The following RFX1 variants were observed in gnomAD, a reference collection of about 807,000 sequenced individuals.
RFX1 encodes the protein MHC class II regulatory factor RFX1.
In RFX1, 42 loss-of-function variants were observed where a neutral mutation model predicts 119.6. The observed-to-expected ratio is 0.35, with a 90% confidence interval of 0.27 to 0.45. RFX1 has a LOEUF of 0.45. Ranked by LOEUF, RFX1 falls within the 20% of genes least tolerant of loss-of-function variation. The probability of loss-of-function intolerance (pLI) is 1.00; values close to 1 mark genes in which losing one functional copy is unlikely to be tolerated. For missense variants in RFX1, 1,118 were observed against 1,368.1 expected (o/e 0.82, Z 2.88); for synonymous variants, 628 against 618.5 (o/e 1.02, Z -0.23).
rs372992983 is a variant in RFX1, at chr19:13,968,938, G to A, written c.1497-44C>T. On this transcript the variant is annotated intron_variant, in intron 10 of 20. Transcript: ENST00000254325. This position sits in a 1 kb window ranked among gnomAD's most constrained non-coding sequence, Gnocchi z 5.5. ...GGAAGGGCTGGGCTGGGGGTCTGCC[G>A]GCTGGCCGGCCATGGAGCACCTCAC... 2.3e-5 allele frequency: 36 copies of A among 1,535,930 alleles called. No homozygotes were observed. The East Asian group carries it at 3.7e-4, about 16-fold the overall frequency.
At chr19:13,996,718 CTT>C (rs767281958) in intron 1 of RFX1, among the ~76,000 whole-genome samples, 13 of 114,422 alleles carry the variant, frequency 1.1e-4, no homozygotes, top group Middle Eastern at 5.4e-3. Context: ...GGCTCATTTG[CTT>C]TTTTTTTTTT....
At chr19:13,978,261 G>C (rs961930002) in intron 7 of RFX1, among the ~76,000 whole-genome samples, 175 bp from the exon 8 acceptor site, 2 of 152,224 alleles carry the variant, frequency 1.3e-5, no homozygotes, top group Non-Finnish European at 1.5e-5. Flanking sequence ...GAATCAGGAA[G>C]AGCTGTGTCA....
intron 1 of RFX1, among the ~76,000 whole-genome samples, chr19:14,003,341 A>T (rs1416360271): frequency 7.6e-6 from 1 of 132,048 alleles, no homozygotes; most frequent in African/African-American, 3.6e-5. Flanking sequence ...ACAGCCATTC[A>T]GCAGCCAGGG....
chr19:13,962,683 G>GGGGGGGGGGGGC lies in RFX1; in HGVS notation c.*11_*12insGCCCCCCCCCCC. The GGGGGGGGGGGGC allele has an allele frequency of 1.1e-6, 1 of 878,508 alleles. No homozygotes were observed. The highest frequency in any genetic ancestry group is 1.4e-5 in the South Asian group (1 of 70,014). 54.4% of individuals were successfully genotyped at this position (878,508 alleles called of 1,614,324 possible). On this transcript the variant is annotated 3_prime_UTR_variant, in exon 21 of 21. Transcript: ENST00000254325. ...GGGTGGCGGGGGCGGGTGGGGCGGGGAGGCCAAGGGCTTAGCTGGAGGGCA... is the reference window on the plus strand; with the variant it reads ...GGGTGGCGGGGGCGGGTGGGGCGGGGGGGGGGGGGGGCAGGCCAAGGGCTTAGCTGGAGGGCA...
At chr19:13,988,432 T>C (rs988494430) in intron 2 of RFX1, among the ~76,000 whole-genome samples, 1 of 152,172 alleles carries the variant, frequency 6.6e-6, no homozygotes, top group African/African-American at 2.4e-5. Flanking sequence ...ACCCTGGCTC[T>C]AGGGAGCCTG....
chr19:13,983,106 C>G, intron 4 of RFX1, 81 bp downstream of exon 4: 1 of 1,100,338 alleles, frequency 9.1e-7, no homozygotes, highest in Non-Finnish European at 1.3e-6. Context: ...CTGGTGAGGA[C>G]AGATCCAGGC....
chr19:13,980,657 G>C lies in RFX1; in HGVS notation c.654C>G (p.Ser218Arg). Residue 218 changes from serine to arginine, a missense_variant, in exon 6 of 21, where the codon AGC becomes AGG. Coordinates refer to ENST00000254325, the MANE Select transcript of RFX1 (RefSeq NM_002918.5). The surrounding 1 kb of genome is among the most constrained non-coding windows in gnomAD (Gnocchi z 5.1). ...QSPVQANSSS[S>R]KTAGAPTGTV... ...TGCCCGTGGGGGCCCCGGCTGTCTTGCTGGAAGAGCTGTTGGCCTGCACCG... is the reference window on the plus strand; with the variant it reads ...TGCCCGTGGGGGCCCCGGCTGTCTTCCTGGAAGAGCTGTTGGCCTGCACCG... 1 of 1,592,722 alleles carries C rather than the reference G, an allele frequency of 6.3e-7. No individual in the cohort carries two copies. Among genetic ancestry groups the C allele is most frequent in the Non-Finnish European group, 8.5e-7 (1 of 1,175,298 alleles).
intron 2 of RFX1, 96 bp from the exon 3 acceptor site, chr19:13,983,691 AC>A: frequency 9.6e-7 from 1 of 1,040,270 alleles, no homozygotes. Flanking sequence ...CCTGAAGCCA[AC>A]CCCCAGCAAG....
At chr19:13,977,781 G>A (rs1303979762) in intron 8 of RFX1, among the ~76,000 whole-genome samples, 4 of 151,926 alleles carry the variant, frequency 2.6e-5, no homozygotes, top group Non-Finnish European at 5.9e-5. Flanking sequence ...CTATGCCGGG[G>A]TGCCTTTCCC....
chr19:14,002,871 G>A (rs79265348), intron 1 of RFX1, among the ~76,000 whole-genome samples: 2,151 of 152,306 alleles, frequency 0.014, 34 homozygotes, highest in Non-Finnish European at 0.021. Flanking sequence ...TGAGGACCTC[G>A]GCTCCAGAGA....
In RFX1 at chr19:13,972,874, C is replaced by G. The variant is rs776211108; in HGVS notation, c.1183G>C (p.Gly395Arg). ...GTGCTGCCACTGCCACCCCCGCCAC[C>G]GCCTCCCCCGCCGCCGCCGCCACCA... ...SGGGGGGGGG[G>R]GGGGSGSTGG... The change falls in exon 9 of 21, where the codon GGT becomes CGT. Residue 395 changes from glycine to arginine, a missense_variant. By Grantham distance (125) the Gly-to-Arg change is moderately radical (BLOSUM62 -2). This residue lies in a region of RFX1 where 542 missense variants were observed against 602.7 expected (regional missense o/e 0.90). Transcript: ENST00000254325. 3 of 1,556,088 alleles carry G rather than the reference C, an allele frequency of 1.9e-6. No individual in the cohort carries two copies. Among genetic ancestry groups the G allele is most frequent in the Non-Finnish European group, 2.6e-6 (3 of 1,156,114 alleles).
intron 1 of RFX1, among the ~76,000 whole-genome samples, chr19:13,997,671 G>A (rs527559964): frequency 6.6e-6 from 1 of 152,348 alleles, no homozygotes; most frequent in Non-Finnish European, 1.5e-5. Flanking sequence ...CGGCAGGCTT[G>A]GGAGGGACTC....
chr19:13,994,929 T>TAA (rs1376135032), intron 1 of RFX1, among the ~76,000 whole-genome samples: 34 of 116,514 alleles, frequency 2.9e-4, no homozygotes, highest in African/African-American at 1.1e-3. Flanking sequence ...TATATATATA[T>TAA]ATATATATAA....
In RFX1 at chr19:13,962,337, C is replaced by T; in HGVS notation, c.*358G>A. On this transcript the variant is annotated 3_prime_UTR_variant, in exon 21 of 21. Coordinates refer to ENST00000254325, the MANE Select transcript of RFX1 (RefSeq NM_002918.5). ...CGAGCTGAATAAGTTAACAGTTTCG[C>T]ACGGGAGGGGGCCTGCCTGCCTGCC... 6.6e-6 allele frequency: 2 copies of T among 304,516 alleles called. No individual in the cohort carries two copies. 18.9% of individuals were successfully genotyped at this position (304,516 alleles called of 1,614,324 possible). A position where few individuals can be genotyped will look rare whatever the true frequency, so the allele number is the denominator to read the frequency against.
chr19:13,969,612 T>A lies in RFX1; in HGVS notation c.1496+382A>T, dbSNP rs894745601. The A allele has an allele frequency of 1.1e-5, 2 of 181,178 alleles. No individual in the cohort carries two copies. The highest frequency in any genetic ancestry group is 4.7e-5 in the African/African-American group (2 of 42,274). The allele number at this position is 181,178 out of a possible 1,614,324, so 11.2% of individuals were successfully genotyped here. ...AGGCAGAGGTTGCAGTGAGCCGAGA[T>A]TGAGTCACTGCACTCCAGCCTGGGC... On this transcript the variant is annotated intron_variant, in intron 10 of 20. Coordinates refer to ENST00000254325, the MANE Select transcript of RFX1 (RefSeq NM_002918.5). The surrounding 1 kb of genome is among the most constrained non-coding windows in gnomAD (Gnocchi z 4.5).
intron 8 of RFX1, among the ~76,000 whole-genome samples, chr19:13,976,554 G>T (rs1974258127): frequency 6.6e-6 from 1 of 152,246 alleles, no homozygotes; most frequent in Non-Finnish European, 1.5e-5. Context: ...GCATCACTGG[G>T]TGGGGACTGA....
At chr19:13,991,958 G>A (rs1418555148) in intron 2 of RFX1, among the ~76,000 whole-genome samples, 2 of 151,790 alleles carry the variant, frequency 1.3e-5, no homozygotes, top group South Asian at 2.1e-4. Context: ...CACCACACCC[G>A]GCCAATTGCT....
rs926549458 is a variant in RFX1 at position 13,962,587 on chromosome 19, C to T, written c.*108G>A. On this transcript the variant is annotated 3_prime_UTR_variant, in exon 21 of 21. Transcript: ENST00000254325. ...CGGTCTTCCCTGTCTCGGAGTCCCC[C>T]TCCCTGCCCTGGCTGAGGCTGGAGC... 2 of 951,024 alleles carry T rather than the reference C, an allele frequency of 2.1e-6. No individual in the cohort carries two copies. Among genetic ancestry groups the T allele is most frequent in the Non-Finnish European group, 3.0e-6 (2 of 669,160 alleles). The allele number at this position is 951,024 out of a possible 1,614,324, so 58.9% of individuals were successfully genotyped here.
rs571560628 is a variant in RFX1 at position 13,963,168 on chromosome 19, C to T, written c.2678G>A (p.Arg893His). 6.2e-7 allele frequency: 1 copy of T among 1,612,562 alleles called. No individual in the cohort carries two copies. Among genetic ancestry groups the T allele is most frequent in the Admixed American group, 1.7e-5 (1 of 59,988 alleles). The change falls in exon 19 of 21, where the codon CGC becomes CAC. Residue 893 changes from arginine to histidine, a missense_variant. Physicochemically the swap from Arg to His is conservative, Grantham distance 29. Coordinates refer to ENST00000254325, the MANE Select transcript of RFX1 (RefSeq NM_002918.5). ...DEYMYYLIEH[R>H]VAQAKGETPI... ...GGTCTCGCCCTTGGCCTGGGCTACG[C>T]GGTGCTCGATCAGGTAGTACATGTA...
Sources: allele counts gnomAD v4.1 joint callset (sites outside exome capture counted in the v4.1 genomes callset), GRCh38; gene constraint gnomAD v4.1.1; regional missense constraint gnomAD v4.1.1; non-coding constraint Gnocchi (gnomAD v3.1); transcripts MANE v1.5; gene names NCBI Gene and HGNC (gene_info 2026-07-23, HGNC 2026-07-21).